NXPE2: variants seen among roughly 807,000 people sequenced by gnomAD.
The protein encoded by NXPE2 is NXPE family member 2.
NXPE2 carries 34 observed loss-of-function variants against 34.4 expected under a neutral mutation model. The observed-to-expected ratio is 0.99, with a 90% CI of 0.75 to 1.31. NXPE2 has a LOEUF of 1.31. Ranked by LOEUF, NXPE2 falls within the 40% of genes most tolerant of loss-of-function variation. The pLI, the probability that NXPE2 is intolerant of heterozygous loss-of-function variation, is 0.00. For missense variants in NXPE2, 649 were observed against 672.5 expected, an observed-to-expected ratio of 0.97 and a Z score of 0.39; for synonymous variants, 235 against 231.3, an observed-to-expected ratio of 1.02 and a Z score of -0.15.
chr11:114,680,480 A>C (rs1950930474), intron 2 of NXPE2, among the ~76,000 whole-genome samples: 1 of 152,096 alleles, frequency 6.6e-6, no homozygotes, highest in Non-Finnish European at 1.5e-5. Context: ...CCTTCAGAGC[A>C]CAGCTCAGAA....
chr11:114,741,025 T>C, the NXPE2 span, among the ~76,000 whole-genome samples: 2 of 152,226 alleles, frequency 1.3e-5, no homozygotes, highest in South Asian at 4.1e-4. Context: ...ATGAACTTCT[T>C]CAGCTTTCCT....
chr11:114,534,201 C>G, the NXPE2 span, among the ~76,000 whole-genome samples: 2 of 152,144 alleles, frequency 1.3e-5, no homozygotes, highest in African/African-American at 4.8e-5. Flanking sequence ...CCAGTAAACT[C>G]CAACAGACCT....
the NXPE2 span, among the ~76,000 whole-genome samples, chr11:114,538,598 C>T: frequency 3.9e-5 from 6 of 152,272 alleles, no homozygotes; most frequent in African/African-American, 1.4e-4. Flanking sequence ...AAACAAACAA[C>T]CCCATTAAAA....
At chr11:114,526,811 T>A in the NXPE2 span, 1 of 152,080 alleles carries the variant, frequency 6.6e-6, no homozygotes, top group African/African-American at 2.4e-5. Flanking sequence ...CATGCAATAT[T>A]TTCCCCTTTT....
At chr11:114,598,835 G>A in the NXPE2 span, among the ~76,000 whole-genome samples, 11 of 151,254 alleles carry the variant, frequency 7.3e-5, no homozygotes, top group African/African-American at 2.7e-4. Flanking sequence ...TGCCTTTGAG[G>A]CCTTCTCCCC....
At chr11:114,546,026 A>T in the NXPE2 span, among the ~76,000 whole-genome samples, 9 of 152,108 alleles carry the variant, frequency 5.9e-5, no homozygotes, top group Admixed American at 5.9e-4. Context: ...AAAAATCAAT[A>T]AGGAGATTGA....
chr11:114,612,407 AC>A, the NXPE2 span, among the ~76,000 whole-genome samples: 2 of 151,844 alleles, frequency 1.3e-5, no homozygotes, highest in African/African-American at 4.8e-5. Flanking sequence ...AACCACTGTT[AC>A]CCGGTGGATA....
the NXPE2 span, among the ~76,000 whole-genome samples, chr11:114,795,350 C>T: frequency 6.6e-6 from 1 of 152,160 alleles, no homozygotes; most frequent in Admixed American, 6.5e-5. Context: ...CTTCCCTATT[C>T]CTCAACTGGT....
At chr11:114,596,277 T>G in the NXPE2 span, among the ~76,000 whole-genome samples, 1 of 152,204 alleles carries the variant, frequency 6.6e-6, no homozygotes, top group African/African-American at 2.4e-5. Context: ...AGTCATGGGT[T>G]TGAATCCATC....
chr11:114,522,082 G>C, the NXPE2 span: 1 of 1,613,826 alleles, frequency 6.2e-7, no homozygotes, highest in Non-Finnish European at 8.5e-7. Flanking sequence ...TGATGCCCAC[G>C]TTGAGGTCTT....
chr11:114,622,665 G>A, the NXPE2 span, among the ~76,000 whole-genome samples: 252 of 151,562 alleles, frequency 1.7e-3, no homozygotes, highest in Non-Finnish European at 2.3e-3. Context: ...AGTGTTACCC[G>A]GTGGATAATA....
At chr11:114,790,661 A>G in the NXPE2 span, among the ~76,000 whole-genome samples, 4 of 152,156 alleles carry the variant, frequency 2.6e-5, no homozygotes, top group East Asian at 1.9e-4. Flanking sequence ...CTGCTCCTCA[A>G]CCATGGGGAC....
the NXPE2 span, among the ~76,000 whole-genome samples, chr11:114,780,198 C>T: frequency 1.3e-5 from 2 of 152,152 alleles, no homozygotes; most frequent in Non-Finnish European, 2.9e-5. Flanking sequence ...TGGGAGAGGC[C>T]GAGTCTCTTC....
At chr11:114,630,651 AC>A in the NXPE2 span, among the ~76,000 whole-genome samples, 2 of 151,208 alleles carry the variant, frequency 1.3e-5, no homozygotes, top group African/African-American at 4.9e-5. Flanking sequence ...AGCAATGGCA[AC>A]AAAAGCCAAA....
the NXPE2 span, among the ~76,000 whole-genome samples, chr11:114,559,461 A>G: frequency 4.6e-5 from 7 of 152,160 alleles, no homozygotes; most frequent in Non-Finnish European, 8.8e-5. Context: ...CTCCAACTAG[A>G]TGTTAGGTTG....
At chr11:114,690,094 A>T (rs1179139518) in intron 2 of NXPE2, among the ~76,000 whole-genome samples, 5 of 152,094 alleles carry the variant, frequency 3.3e-5, no homozygotes, top group Non-Finnish European at 7.4e-5. Flanking sequence ...GTTCAAGGTT[A>T]ATTGATAATT....
chr11:114,624,765 G>GT, the NXPE2 span, among the ~76,000 whole-genome samples: 1 of 147,880 alleles, frequency 6.8e-6, no homozygotes, highest in African/African-American at 2.5e-5. Context: ...CCAGTGGATA[G>GT]TAAGTATTGC....
the NXPE2 span, among the ~76,000 whole-genome samples, chr11:114,786,143 C>A: frequency 6.6e-6 from 1 of 152,192 alleles, no homozygotes; most frequent in Non-Finnish European, 1.5e-5. Flanking sequence ...TGAATTTGTA[C>A]TGAGCTTTGC....
At chr11:114,468,003 AG>A in the NXPE2 span, among the ~76,000 whole-genome samples, 1 of 152,012 alleles carries the variant, frequency 6.6e-6, no homozygotes, top group African/African-American at 2.4e-5. Context: ...AAATTATGGG[AG>A]AGCCTGATGA....
Sources: allele counts gnomAD v4.1 joint callset (sites outside exome capture counted in the v4.1 genomes callset), GRCh38; gene constraint gnomAD v4.1.1; transcripts MANE v1.5; gene names NCBI Gene and HGNC (gene_info 2026-07-23, HGNC 2026-07-21).